OSMR: variants seen among roughly 807,000 people sequenced by gnomAD.
OSMR encodes oncostatin-M-specific receptor subunit beta.
A neutral mutation model predicts 99.9 loss-of-function variants in OSMR; 81 were observed. That is an observed-to-expected ratio of 0.81 (90% CI 0.68 to 0.97). OSMR has a LOEUF of 0.97. Among genes scored for constraint, OSMR ranks in the 50% least tolerant of loss-of-function variants. The probability of loss-of-function intolerance (pLI) is 0.00; values close to 1 mark genes in which losing one functional copy is unlikely to be tolerated. For missense variants in OSMR, 1,099 were observed against 1,153.4 expected, an observed-to-expected ratio of 0.95 and a Z score of 0.68; for synonymous variants, 406 against 410.4, an observed-to-expected ratio of 0.99 and a Z score of 0.13.
intron 1 of OSMR, chr5:38,942,452 ATTTT>A (rs200385182): frequency 8.5e-5 from 48 of 564,528 alleles, no homozygotes; most frequent in African/African-American, 5.9e-4. Flanking sequence ...TAAATATCTA[ATTTT>A]TTTTTTTTTT....
chr5:38,896,753 TC>T (rs1338664196), intron 7 of OSMR, among the ~76,000 whole-genome samples: 1 of 152,100 alleles, frequency 6.6e-6, no homozygotes, highest in African/African-American at 2.4e-5. Context: ...TTTCAGTTTT[TC>T]CCCATTCAGT....
intron 1 of OSMR, among the ~76,000 whole-genome samples, chr5:38,867,297 G>A (rs769196962): frequency 6.6e-6 from 1 of 152,160 alleles, no homozygotes; most frequent in African/African-American, 2.4e-5. Context: ...GACCACCCTA[G>A]AATAATTTGA....
intron 8 of OSMR, 100 bp downstream of exon 8, chr5:38,904,124 G>T: frequency 6.4e-7 from 1 of 1,557,918 alleles, no homozygotes; most frequent in African/African-American, 1.4e-5. Context: ...TTTCTGTGTA[G>T]GTTCAAATGG....
At position 38,885,453 on chromosome 5, in the gene OSMR, C is replaced by T. The variant is rs976282699; in HGVS notation, c.808C>T (p.Gln270Ter). ...GGACACTGCCTTGGGGTGGTCTAAA[C>T]AACCTTCCCAAAGCTACACTTTATT... The part of the protein sequence containing the change: ...GTDTALGWSK[Q>*]PSQSYTLFES... The change falls in exon 6 of 18, where the codon CAA becomes TAA. Residue 270 changes from glutamine (Q) to a stop codon, truncating the protein, a stop_gained. Transcript: ENST00000274276. LOFTEE classifies it high-confidence loss of function. The T allele has an allele frequency of 1.9e-6, 3 of 1,614,046 alleles. No homozygotes were observed. In the Middle Eastern group the frequency reaches 5.0e-4, roughly 266 times the overall value.
chr5:38,849,487 A>G (rs1164980890), intron 1 of OSMR, among the ~76,000 whole-genome samples: 1 of 151,358 alleles, frequency 6.6e-6, no homozygotes, highest in African/African-American at 2.4e-5. Context: ...TCCCTAAACC[A>G]ATATTACTCT....
intron 2 of OSMR, among the ~76,000 whole-genome samples, chr5:38,872,782 A>G (rs1209442741): frequency 6.6e-6 from 1 of 152,186 alleles, no homozygotes; most frequent in Non-Finnish European, 1.5e-5. Flanking sequence ...TTTAAAAAAA[A>G]TGTCCTTTAA....
intron 7 of OSMR, among the ~76,000 whole-genome samples, chr5:38,897,859 T>C (rs912532723): frequency 2.0e-5 from 3 of 152,138 alleles, no homozygotes; most frequent in African/African-American, 7.2e-5. Flanking sequence ...GTTTCCTTCT[T>C]AATTTCTTGA....
Position 38,923,141 on chromosome 5 carries a change from T to C in OSMR, c.1766-9T>C, listed in dbSNP as rs775275852. On this transcript the variant is annotated splice_polypyrimidine_tract_variant and intron_variant, in intron 12 of 17. Coordinates refer to ENST00000274276, the MANE Select transcript of OSMR (RefSeq NM_003999.3). ...TGTTATTAAAAATCTGTTGACTTTT[T>C]TTCCCTAGATGCTTTTAGGCCAGGA... 2.5e-6 allele frequency: 4 copies of C among 1,612,694 alleles called. No individual in the cohort carries two copies. Among genetic ancestry groups the C allele is most frequent in the Non-Finnish European group, 2.5e-6 (3 of 1,178,712 alleles).
chr5:38,920,064 A>G (rs975007877), intron 11 of OSMR, among the ~76,000 whole-genome samples: 1 of 152,184 alleles, frequency 6.6e-6, no homozygotes, highest in Non-Finnish European at 1.5e-5. Context: ...GGGGCATTTC[A>G]TTCAGCCTCG....
intron 9 of OSMR, among the ~76,000 whole-genome samples, chr5:38,911,994 A>T (rs1049019774): frequency 2.0e-5 from 3 of 152,146 alleles, no homozygotes; most frequent in Non-Finnish European, 2.9e-5. Flanking sequence ...TCCACTTGAG[A>T]ACTGGAATAA....
At chr5:38,917,743 A>G in intron 10 of OSMR, 121 bp downstream of exon 10, 1 of 743,116 alleles carries the variant, frequency 1.3e-6, no homozygotes, top group African/African-American at 1.7e-5. Context: ...GGATCTTCAC[A>G]TTCATCCAAT....
chr5:38,937,831 C>CA, downstream of OSMR: 1 of 170,348 alleles, frequency 5.9e-6, no homozygotes, highest in East Asian at 1.1e-4. This position sits in a 1 kb window ranked among gnomAD's most constrained non-coding sequence, Gnocchi z 4.0. Flanking sequence ...TGCTTGGAGT[C>CA]ACGTGTGTCA....
intron 7 of OSMR, 165 bp downstream of exon 7, chr5:38,886,355 G>A (rs775299182): frequency 5.7e-5 from 82 of 1,441,306 alleles, no homozygotes; most frequent in Non-Finnish European, 6.8e-5. Context: ...ATGGATGCAC[G>A]CATCCCCTAT....
Position 38,904,464 on chromosome 5 carries a change from A to T in OSMR, c.1246A>T (p.Ser416Cys). 1.9e-6 allele frequency: 3 copies of T among 1,614,152 alleles called. No homozygotes were observed. The highest frequency in any genetic ancestry group is 2.5e-6 in the Non-Finnish European group (3 of 1,180,032). Reference sequence around the variant, plus strand: ...TGATGCCAGCCACTTCTGGAAATGGAGTGAATGGAGTGGTCAGAACTTCAC... The same window carrying T: ...TGATGCCAGCCACTTCTGGAAATGGTGTGAATGGAGTGGTCAGAACTTCAC... ...CADASHFWKW[S>C]EWSGQNFTTL... Residue 416 changes from serine to cysteine, a missense_variant, in exon 9 of 18, where the codon AGT (serine) becomes TGT (cysteine). Coordinates refer to ENST00000274276, the MANE Select transcript of OSMR (RefSeq NM_003999.3).
chr5:38,918,626 T>C, intron 10 of OSMR: 1 of 504,942 alleles, frequency 2.0e-6, no homozygotes, highest in Non-Finnish European at 2.6e-6. Context: ...GAGGCTCTTA[T>C]CTCCAAATGA....
chr5:38,929,449 T>C (rs1452911216), intron 15 of OSMR, among the ~76,000 whole-genome samples: 8 of 152,228 alleles, frequency 5.3e-5, no homozygotes, highest in African/African-American at 1.9e-4. Flanking sequence ...CTGAATTTAA[T>C]AGGCATTACT....
intron 1 of OSMR, among the ~76,000 whole-genome samples, chr5:38,851,422 A>G (rs1345714207): frequency 3.9e-5 from 6 of 152,122 alleles, no homozygotes; most frequent in African/African-American, 7.2e-5. Flanking sequence ...AAGGACTTGT[A>G]AGGGGAAAGG....
At chr5:38,862,239 G>C (rs1183788702) in intron 1 of OSMR, among the ~76,000 whole-genome samples, 1 of 115,598 alleles carries the variant, frequency 8.7e-6, no homozygotes, top group African/African-American at 3.4e-5. Context: ...CTGGCTGGGC[G>C]GGGGGCTGAC....
At chr5:38,864,231 A>G (rs1056230287) in intron 1 of OSMR, among the ~76,000 whole-genome samples, 2 of 151,774 alleles carry the variant, frequency 1.3e-5, no homozygotes, top group Non-Finnish European at 2.9e-5. Context: ...GTTGTTTTTT[A>G]TATTCTTTTT....
Sources: gnomAD v4.1 joint callset for allele counts (sites outside exome capture counted in the v4.1 genomes callset) on GRCh38, gnomAD v4.1.1 for gene constraint, Gnocchi (gnomAD v3.1) non-coding constraint, MANE v1.5 for transcripts, NCBI Gene and HGNC (gene_info 2026-07-23, HGNC 2026-07-21) for gene names.